The following ARHGAP28 variants were observed in gnomAD, a reference collection of about 807,000 sequenced individuals.
ARHGAP28 encodes the protein rho GTPase-activating protein 28.
Under a neutral mutation model 90.7 loss-of-function variants are expected in ARHGAP28, and 56 were observed. The observed-to-expected ratio is 0.62, with a 90% CI of 0.50 to 0.77. The LOEUF (loss-of-function observed/expected upper bound fraction) is 0.77, where lower values mean the gene tolerates loss of function less well. Among genes scored for constraint, ARHGAP28 ranks in the 30% least tolerant of loss-of-function variants. The probability of loss-of-function intolerance (pLI) is 0.00; values close to 1 mark genes in which losing one functional copy is unlikely to be tolerated. For missense variants in ARHGAP28, 869 were observed against 900.9 expected, an observed-to-expected ratio of 0.96 and a Z score of 0.45; for synonymous variants, 308 against 323.3, an observed-to-expected ratio of 0.95 and a Z score of 0.51.
intron 6 of ARHGAP28, among the ~76,000 whole-genome samples, chr18:6,868,599 C>G (rs1207990267): frequency 1.5e-5 from 1 of 66,628 alleles, no homozygotes; most frequent in Non-Finnish European, 3.6e-5. Flanking sequence ...ACACGCAGCA[C>G]CAGAGCAGCT....
At chr18:6,733,070 A>G (rs1226610119) in intron 1 of ARHGAP28, among the ~76,000 whole-genome samples, 1 of 152,204 alleles carries the variant, frequency 6.6e-6, no homozygotes, top group Non-Finnish European at 1.5e-5. Context: ...ACTCATTCTT[A>G]CCTCATTTTA....
intron 2 of ARHGAP28, among the ~76,000 whole-genome samples, chr18:6,829,626 C>G (rs891807822): frequency 6.6e-6 from 1 of 152,162 alleles, no homozygotes; most frequent in Non-Finnish European, 1.5e-5. Flanking sequence ...TCAGTCAACC[C>G]AGAAAATTTC....
chr18:6,802,658 T>C (rs1387476570), intron 1 of ARHGAP28, among the ~76,000 whole-genome samples: 1 of 152,118 alleles, frequency 6.6e-6, no homozygotes, highest in Non-Finnish European at 1.5e-5. Context: ...ATTTTTTTTG[T>C]GTTTGTGTTT....
intron 1 of ARHGAP28, among the ~76,000 whole-genome samples, chr18:6,814,256 A>G (rs567551599): frequency 6.6e-6 from 1 of 152,308 alleles, no homozygotes; most frequent in African/African-American, 2.4e-5. Context: ...TGAGGAGGAA[A>G]GCCAGTCCCA....
chr18:6,764,647 T>G (rs1309042019), intron 1 of ARHGAP28, among the ~76,000 whole-genome samples: 1 of 152,210 alleles, frequency 6.6e-6, no homozygotes, highest in Non-Finnish European at 1.5e-5. Flanking sequence ...ACCTGTGTGT[T>G]AGGCCAGTGA....
intron 17 of ARHGAP28, among the ~76,000 whole-genome samples, chr18:6,910,794 A>G (rs1314993919): frequency 6.6e-6 from 1 of 151,630 alleles, no homozygotes; most frequent in Non-Finnish European, 1.5e-5. Context: ...GAATCAAGCA[A>G]CCTAGCACTC....
chr18:6,870,858 T>A, intron 7 of ARHGAP28, 126 bp downstream of exon 7: 2 of 1,004,340 alleles, frequency 2.0e-6, no homozygotes, highest in East Asian at 2.9e-5. Flanking sequence ...TGGAGTGCAG[T>A]GGCGCGATCT....
intron 2 of ARHGAP28, among the ~76,000 whole-genome samples, chr18:6,826,515 A>C (rs1411578995): frequency 6.6e-6 from 1 of 151,150 alleles, no homozygotes; most frequent in Non-Finnish European, 1.5e-5. Context: ...ATATCATTGA[A>C]GCTTATATAA....
intron 16 of ARHGAP28, among the ~76,000 whole-genome samples, chr18:6,900,165 A>T (rs752374243): frequency 2.6e-5 from 4 of 152,200 alleles, no homozygotes; most frequent in Non-Finnish European, 2.9e-5. Context: ...TTGCCCACCC[A>T]GACCTTATGC....
intron 17 of ARHGAP28, among the ~76,000 whole-genome samples, chr18:6,910,957 G>T (rs896782887): frequency 6.6e-6 from 1 of 151,812 alleles, no homozygotes; most frequent in East Asian, 2.0e-4. Context: ...CCATTCTCCT[G>T]CCTCAGCCTC....
chr18:6,877,304 C>T (rs1312435016), intron 10 of ARHGAP28, among the ~76,000 whole-genome samples: 1 of 152,182 alleles, frequency 6.6e-6, no homozygotes, highest in Non-Finnish European at 1.5e-5. Flanking sequence ...GGCGGTTCTG[C>T]TTCTGCAGGA....
chr18:6,827,535 C>G (rs1304558668), intron 2 of ARHGAP28, among the ~76,000 whole-genome samples: 3 of 136,114 alleles, frequency 2.2e-5, no homozygotes, highest in Non-Finnish European at 4.7e-5. Flanking sequence ...GCTGACCGGG[C>G]GGGGGGCTGA....
intron 1 of ARHGAP28, among the ~76,000 whole-genome samples, chr18:6,781,981 G>A (rs1360502628): frequency 6.6e-6 from 1 of 152,160 alleles, no homozygotes; most frequent in Non-Finnish European, 1.5e-5. Flanking sequence ...GTTTAGGGAT[G>A]GGGACAGGGC....
At chr18:6,743,471 T>C (rs1003371419) in intron 1 of ARHGAP28, among the ~76,000 whole-genome samples, 3 of 152,202 alleles carry the variant, frequency 2.0e-5, no homozygotes, top group African/African-American at 7.2e-5. Context: ...TTCTCCTTTG[T>C]TGGAAACTAC....
At chr18:6,757,031 A>G (rs1486856585) in intron 1 of ARHGAP28, among the ~76,000 whole-genome samples, 2 of 152,194 alleles carry the variant, frequency 1.3e-5, no homozygotes, top group Admixed American at 1.3e-4. Context: ...CGCACCAGGA[A>G]AAATACTTTG....
In ARHGAP28 at chr18:6,914,493, G is replaced by T. The variant is rs1272768874; in HGVS notation, c.*2339G>T. 6.6e-6 allele frequency: 1 copy of T among 152,088 alleles called. No homozygotes were observed. Among genetic ancestry groups the T allele is most frequent in the Non-Finnish European group, 1.5e-5 (1 of 68,006 alleles). The allele number at this position is 152,088 out of a possible 1,614,324, so 9.4% of individuals were successfully genotyped here. On this transcript the variant is annotated 3_prime_UTR_variant, in exon 18 of 18. Coordinates refer to ENST00000383472, the MANE Select transcript of ARHGAP28 (RefSeq NM_001366230.1). ...ATACACAGACTAATATTTGTGTGGA[G>T]GTTCTTTTGACCAATTTTATTCCTA...
At chr18:6,910,939 G>A (rs968745476) in intron 17 of ARHGAP28, among the ~76,000 whole-genome samples, 1 of 151,794 alleles carries the variant, frequency 6.6e-6, no homozygotes. Context: ...CCGCCTCCCG[G>A]GTTCACGCCA....
intron 1 of ARHGAP28, among the ~76,000 whole-genome samples, chr18:6,810,960 T>TG (rs1352627672): frequency 6.6e-6 from 1 of 152,102 alleles, no homozygotes; most frequent in African/African-American, 2.4e-5. Context: ...TACATAGATT[T>TG]GGGCCTCTCC....
intron 9 of ARHGAP28, among the ~76,000 whole-genome samples, chr18:6,875,924 C>T (rs1292702958): frequency 6.6e-6 from 1 of 152,172 alleles, no homozygotes; most frequent in Non-Finnish European, 1.5e-5. Flanking sequence ...AGTTGTATAA[C>T]TGCTATAAAT....
Sources: gnomAD v4.1 joint callset for allele counts (sites outside exome capture counted in the v4.1 genomes callset) on GRCh38, gnomAD v4.1.1 for gene constraint, MANE v1.5 for transcripts, NCBI Gene and HGNC (gene_info 2026-07-23, HGNC 2026-07-21) for gene names.